Variants in ABI2 observed in about 807,000 individuals in gnomAD.
ABI2 encodes abelson interactor 2.
A neutral mutation model predicts 59.2 loss-of-function variants in ABI2; 25 were observed. The observed-to-expected ratio is 0.42, with a 90% CI of 0.31 to 0.59. The LOEUF is 0.59. Ranked by LOEUF, ABI2 falls within the 20% of genes least tolerant of loss-of-function variation. The pLI is 0.14. For missense variants in ABI2, 545 were observed against 681.8 expected, an observed-to-expected ratio of 0.80 and a Z score of 2.23; for synonymous variants, 213 against 235.5, an observed-to-expected ratio of 0.90 and a Z score of 0.87.
At chr2:203,394,408 C>G in intron 5 of ABI2, 1 of 303,988 alleles carries the variant, frequency 3.3e-6, no homozygotes, top group Non-Finnish European at 6.1e-6. Flanking sequence ...GAGGTAGGGT[C>G]TGGGAAACAT....
intron 2 of ABI2, among the ~76,000 whole-genome samples, chr2:203,377,798 T>C (rs1329297850): frequency 6.6e-6 from 1 of 152,128 alleles, no homozygotes; most frequent in Admixed American, 6.5e-5. Context: ...CCCAGCTCCT[T>C]AGGAAGCTCA....
chr2:203,369,028 G>A (rs1341060992), intron 2 of ABI2, among the ~76,000 whole-genome samples: 3 of 102,690 alleles, frequency 2.9e-5, no homozygotes, highest in Non-Finnish European at 5.2e-5. Flanking sequence ...TAGAGACAGT[G>A]TCTTGCCATC....
At chr2:203,347,191 G>A (rs2084215044) in intron 1 of ABI2, among the ~76,000 whole-genome samples, 1 of 152,166 alleles carries the variant, frequency 6.6e-6, no homozygotes, top group African/African-American at 2.4e-5. Flanking sequence ...GCAAGGAAGT[G>A]ATGGGTTTGG....
chr2:203,374,498 CAA>C (rs777951265), intron 2 of ABI2, among the ~76,000 whole-genome samples: 93 of 53,836 alleles, frequency 1.7e-3, no homozygotes, highest in African/African-American at 5.3e-3. Context: ...GACTCTGTCT[CAA>C]AAAAAAAAAA....
chr2:203,328,878 CCT>C (rs1348121921), intron 1 of ABI2: 9 of 309,104 alleles, frequency 2.9e-5, no homozygotes, highest in Non-Finnish European at 5.3e-5. Context: ...CGTCCCGCCT[CCT>C]CGCCGCTCCC....
chr2:203,365,983 T>G (rs1463978232), intron 1 of ABI2, among the ~76,000 whole-genome samples: 1 of 152,090 alleles, frequency 6.6e-6, no homozygotes, highest in Non-Finnish European at 1.5e-5. Context: ...TCTTTGTTTA[T>G]TTTTGTTTTT....
At chr2:203,389,535 T>C (rs1229185010) in intron 4 of ABI2, among the ~76,000 whole-genome samples, 2 of 152,258 alleles carry the variant, frequency 1.3e-5, no homozygotes, top group East Asian at 3.8e-4. Context: ...TGATTTGCTT[T>C]CTTAAAATTT....
chr2:203,391,010 C>T, intron 4 of ABI2, 36 bp from the exon 5 acceptor site: 1 of 1,545,682 alleles, frequency 6.5e-7, no homozygotes, highest in Non-Finnish European at 8.9e-7. Context: ...CTTTATTTCA[C>T]TGCATACAAG....
Position 203,427,193 on chromosome 2 carries a change from C to G in ABI2, c.1470C>G (p.Asp490Glu). The G allele has an allele frequency of 6.2e-7, 1 of 1,613,736 alleles. No homozygotes were observed. Among genetic ancestry groups the G allele is most frequent in the Non-Finnish European group, 8.5e-7 (1 of 1,179,840 alleles). ...CCCTCCTAGTTGTGGCAATTTATGA[C>G]TATACAAAAGACAAGGAAGATGAGC... ...SYLEKVVAIYDYTKDKEDELS... is the reference protein window; with the variant it reads ...SYLEKVVAIYEYTKDKEDELS... The change falls in exon 12 of 12, where the codon GAC becomes GAG. Residue 490 changes from aspartate (D) to glutamate (E), a missense_variant. Physicochemically the swap from Asp to Glu is conservative, Grantham distance 45. Coordinates refer to ENST00000261018, the MANE Select transcript of ABI2 (RefSeq NM_001375670.1).
Position 203,396,823 on chromosome 2 carries a change from A to C in ABI2, c.889A>C (p.Thr297Pro). 6.5e-7 allele frequency: 1 copy of C among 1,533,926 alleles called. No homozygotes were observed. Among genetic ancestry groups the C allele is most frequent in the Non-Finnish European group, 8.7e-7 (1 of 1,146,084 alleles). ...TGCTGGCACTCCTCCCCTTCCTGCT[A>C]CTTCTGCATCTGCCCCTGCTCCTCT... ...GSAGTPPLPATSASAPAPLVP... is the reference protein window; with the variant it reads ...GSAGTPPLPAPSASAPAPLVP... Residue 297 changes from threonine (T) to proline (P), a missense_variant, in exon 8 of 12, where the codon ACT becomes CCT. By Grantham distance (38) the Thr-to-Pro change is conservative. Around this residue, in one of 4 missense-constraint regions of ABI2, gnomAD observed 410 missense variants for 435.6 expected, o/e 0.94. Coordinates refer to ENST00000261018, the MANE Select transcript of ABI2 (RefSeq NM_001375670.1).
At chr2:203,383,132 T>A (rs1382536551) in intron 4 of ABI2, 2 of 154,828 alleles carry the variant, frequency 1.3e-5, no homozygotes, top group African/African-American at 4.8e-5. Flanking sequence ...TCCCATCTAA[T>A]ACCCATTATT....
intron 1 of ABI2, among the ~76,000 whole-genome samples, chr2:203,366,010 TTG>T (rs2094400290): frequency 6.6e-6 from 1 of 152,190 alleles, no homozygotes; most frequent in African/African-American, 2.4e-5. Flanking sequence ...TTTTTACTTT[TTG>T]TGTTTTTTTC....
intron 9 of ABI2, chr2:203,403,234 AC>A (rs1226435160): frequency 6.5e-6 from 1 of 152,746 alleles, no homozygotes; most frequent in Non-Finnish European, 1.5e-5. Context: ...TATAATAATT[AC>A]ACTAAATAAT....
rs953223587 is a variant in ABI2 at position 203,390,999 on chromosome 2, A to G, written c.481-47A>G. 2.7e-6 allele frequency: 4 copies of G among 1,485,944 alleles called. No homozygotes were observed. The South Asian group carries it at 3.5e-5, about 13-fold the overall frequency. The allele number at this position is 1,485,944 out of a possible 1,614,324, so 92.0% of individuals were successfully genotyped here. A position where few individuals can be genotyped will look rare whatever the true frequency, so the allele number is the denominator to read the frequency against. ...TAGCATATTATTTCCCAAAAGTGCC[A>G]CTTTATTTCACTGCATACAAGTTGA... is the stretch of plus-strand genomic sequence containing the variant. On this transcript the variant is annotated intron_variant, in intron 4 of 11. Coordinates refer to ENST00000261018, the MANE Select transcript of ABI2 (RefSeq NM_001375670.1).
chr2:203,380,491 T>G (rs2096047893), intron 3 of ABI2, 107 bp downstream of exon 3: 1 of 708,894 alleles, frequency 1.4e-6, no homozygotes, highest in South Asian at 3.5e-5. Context: ...GGACAAAGTC[T>G]TGGCCCAGTT....
intron 4 of ABI2, among the ~76,000 whole-genome samples, chr2:203,385,236 A>G (rs915840061): frequency 1.4e-5 from 2 of 146,600 alleles, no homozygotes; most frequent in African/African-American, 5.0e-5. Flanking sequence ...GTTTCACGCC[A>G]TTCTCCTGCC....
At chr2:203,385,152 T>TTTTTTTTTTTA (rs71007511) in intron 4 of ABI2, among the ~76,000 whole-genome samples, 1 of 51,840 alleles carries the variant, frequency 1.9e-5, no homozygotes, top group African/African-American at 4.9e-5. Flanking sequence ...TTTTTTTTTT[T>TTTTTTTTTTTA]GAGACAGTCT....
intron 2 of ABI2, among the ~76,000 whole-genome samples, chr2:203,369,469 A>G (rs2094895210): frequency 6.6e-6 from 1 of 152,198 alleles, no homozygotes; most frequent in Non-Finnish European, 1.5e-5. Flanking sequence ...AGCAAGCTCA[A>G]GGAGGAAGGT....
chr2:203,425,022 G>A (rs2098381423), intron 11 of ABI2, among the ~76,000 whole-genome samples: 1 of 149,562 alleles, frequency 6.7e-6, no homozygotes, highest in Admixed American at 6.6e-5. Context: ...ACCATGCCAG[G>A]CTAATTTTTT....
Sources: gnomAD v4.1 joint callset for allele counts (sites outside exome capture counted in the v4.1 genomes callset) on GRCh38, gnomAD v4.1.1 for gene constraint, gnomAD v4.1.1 regional missense constraint, MANE v1.5 for transcripts, NCBI Gene and HGNC (gene_info 2026-07-23, HGNC 2026-07-21) for gene names.